Variants in SESTD1 observed in about 807,000 individuals in gnomAD.
SESTD1 encodes the protein SEC14 and spectrin domain containing 1.
Under a neutral mutation model 101.7 loss-of-function variants are expected in SESTD1, and 43 were observed. That is an observed-to-expected ratio of 0.42 (90% CI 0.33 to 0.55). SESTD1 has a LOEUF of 0.55. Ranked by LOEUF, SESTD1 falls within the 20% of genes least tolerant of loss-of-function variation. The pLI is 0.07. For synonymous variants in SESTD1, 283 were observed against 286.8 expected (o/e 0.99, Z 0.13); for missense variants, 647 against 815.1 (o/e 0.79, Z 2.51).
At chr2:179,222,638 A>G (rs1175205768) in intron 1 of SESTD1, among the ~76,000 whole-genome samples, 1 of 152,210 alleles carries the variant, frequency 6.6e-6, no homozygotes, top group Admixed American at 6.5e-5. Flanking sequence ...TTCTATTAAT[A>G]ACCCAATGTT....
chr2:179,117,661 T>C, intron 13 of SESTD1, 48 bp from the exon 14 acceptor site: 8 of 1,445,438 alleles, frequency 5.5e-6, no homozygotes, highest in South Asian at 2.7e-5. Flanking sequence ...GTTTTATTGA[T>C]TACTATTGTA....
intron 8 of SESTD1, among the ~76,000 whole-genome samples, chr2:179,145,157 A>G (rs2045366245): frequency 6.6e-6 from 1 of 152,174 alleles, no homozygotes; most frequent in Non-Finnish European, 1.5e-5. Context: ...GTCTTTTTAT[A>G]TATATTCATA....
chr2:179,162,675 T>C (rs933761970), intron 5 of SESTD1, among the ~76,000 whole-genome samples: 1 of 151,980 alleles, frequency 6.6e-6, no homozygotes, highest in Non-Finnish European at 1.5e-5. Context: ...AGAAGTTAAC[T>C]TGTAGATTCT....
intron 1 of SESTD1, among the ~76,000 whole-genome samples, chr2:179,235,238 AAAGGGACATAAGTATTTAGGGGCT>A (rs2047049596): frequency 6.6e-6 from 1 of 152,198 alleles, no homozygotes; most frequent in African/African-American, 2.4e-5. Flanking sequence ...ACTTAGGAAT[AAAGGGACATAAGTATTTAGGGGCT>A]AAGGGGCATA....
intron 5 of SESTD1, among the ~76,000 whole-genome samples, chr2:179,168,107 T>A (rs1047442025): frequency 6.6e-6 from 1 of 152,082 alleles, no homozygotes; most frequent in Admixed American, 6.6e-5. Context: ...CAGGACTGAA[T>A]TGCACAGGTC....
rs2047487885 is a variant in SESTD1 at position 179,261,837 on chromosome 2, A to G, written c.-26+2662T>C. Among the ~76,000 whole-genome samples the G allele has an allele frequency of 5.9e-5, 9 of 152,164 alleles. No homozygotes were observed. The South Asian group carries it at 1.9e-3, about 32-fold the overall frequency. On this transcript the variant is annotated intron_variant, in intron 1 of 17. Coordinates refer to ENST00000428443, the MANE Select transcript of SESTD1 (RefSeq NM_178123.5). ...AGCAGTTCCTCAGAAAGTAAACAGA[A>G]TTACCATATAACCCAGCAATTACAC...
In SESTD1 at chr2:179,209,321, G is replaced by A. The variant is rs557784789; in HGVS notation, c.-25-17455C>T. Among the ~76,000 whole-genome samples, 8 of 134,092 alleles carry A rather than the reference G, an allele frequency of 6.0e-5. 1 individual carries two copies. The East Asian group carries it at 1.6e-3, about 27-fold the overall frequency. The allele number at this position is 134,092 out of a possible 152,430, so 88.0% of individuals were successfully genotyped here. ...ACAGCACTAGACAGGTCATCAAAAT[G>A]GAAAGGCAACAAAGAAACAATGGAC... is the stretch of plus-strand genomic sequence containing the variant. On this transcript the variant is annotated intron_variant, in intron 1 of 17. Coordinates refer to ENST00000428443, the MANE Select transcript of SESTD1 (RefSeq NM_178123.5).
intron 7 of SESTD1, among the ~76,000 whole-genome samples, chr2:179,148,995 G>A (rs2105447710): frequency 7.1e-6 from 1 of 139,936 alleles, no homozygotes. Context: ...AGGAGGCGGA[G>A]CTTGCAGTAA....
intron 7 of SESTD1, among the ~76,000 whole-genome samples, chr2:179,147,096 CA>C (rs1428772468): frequency 1.3e-5 from 2 of 151,926 alleles, no homozygotes; most frequent in East Asian, 3.9e-4. Context: ...CTAAATTTTT[CA>C]CTTTTTGTCA....
intron 1 of SESTD1, among the ~76,000 whole-genome samples, chr2:179,248,377 A>G (rs1032037599): frequency 6.6e-6 from 1 of 152,220 alleles, no homozygotes; most frequent in Non-Finnish European, 1.5e-5. Flanking sequence ...ATTCTACACC[A>G]GATACAGAAG....
At chr2:179,112,623 C>T (rs2044533732) in intron 17 of SESTD1, 101 bp downstream of exon 17, 3 of 1,401,030 alleles carry the variant, frequency 2.1e-6, no homozygotes, top group Admixed American at 2.5e-5. Context: ...GTGGACCAAA[C>T]CTAATTTACT....
At chr2:179,172,887 C>CCGT (rs1488032970) in intron 4 of SESTD1, among the ~76,000 whole-genome samples, 5 of 152,230 alleles carry the variant, frequency 3.3e-5, no homozygotes, top group African/African-American at 1.2e-4. Flanking sequence ...ACAAGTTCTA[C>CCGT]CGCCTGCATT....
intron 1 of SESTD1, among the ~76,000 whole-genome samples, chr2:179,211,331 C>CA (rs201124829): frequency 0.012 from 1,547 of 131,518 alleles, 371 homozygotes; most frequent in African/African-American, 0.043. Context: ...TATGGAACAA[C>CA]AAAAAAAAGA....
chr2:179,258,172 T>C (rs945373675), intron 1 of SESTD1, among the ~76,000 whole-genome samples: 5 of 152,218 alleles, frequency 3.3e-5, no homozygotes, highest in Non-Finnish European at 5.9e-5. Flanking sequence ...GCAGAAAAGA[T>C]GCAACGTCAG....
Position 179,115,249 on chromosome 2 carries a change from T to A in SESTD1, c.1655A>T (p.Tyr552Phe), listed in dbSNP as rs1575420270. Reference sequence around the variant, plus strand: ...CTGTAGCAACTGCCTGCCATAGTCATAAGTGCTCTAAAAAAGAAAAGGAAA... The same window carrying A: ...CTGTAGCAACTGCCTGCCATAGTCAAAAGTGCTCTAAAAAAGAAAAGGAAA... ...RKFVDVAQST[Y>F]DYGRQLLQAT... Residue 552 changes from tyrosine to phenylalanine, a missense_variant, in exon 16 of 18, where the codon TAT becomes TTT. Around this residue, in one of 3 missense-constraint regions of SESTD1, gnomAD observed 476 missense variants for 562.6 expected, o/e 0.85. Transcript: ENST00000428443. 1 of 1,572,124 alleles carries A rather than the reference T, an allele frequency of 6.4e-7. No individual in the cohort carries two copies. The highest frequency in any genetic ancestry group is 2.1e-5 in the Admixed American group (1 of 47,186).
chr2:179,123,889 T>C, intron 11 of SESTD1, 60 bp from the exon 12 acceptor site: 1 of 1,261,072 alleles, frequency 7.9e-7, no homozygotes, highest in Non-Finnish European at 1.2e-6. Context: ...AAGTGTTTAA[T>C]GATTAATGAG....
At chr2:179,124,903 C>T (rs1480061893) in intron 10 of SESTD1, among the ~76,000 whole-genome samples, 1 of 152,082 alleles carries the variant, frequency 6.6e-6, no homozygotes, top group Admixed American at 6.5e-5. Flanking sequence ...TATTTTCCCT[C>T]TTCTTTCAAA....
At chr2:179,112,691 T>TA in intron 17 of SESTD1, 33 bp downstream of exon 17, 1 of 1,562,218 alleles carries the variant, frequency 6.4e-7, no homozygotes, top group Non-Finnish European at 8.6e-7. Flanking sequence ...ACCACACCAA[T>TA]AAAAAATAAA....
chr2:179,246,040 A>G (rs1475138490), intron 1 of SESTD1, among the ~76,000 whole-genome samples: 1 of 152,148 alleles, frequency 6.6e-6, no homozygotes, highest in Admixed American at 6.5e-5. Flanking sequence ...GCGGACCACA[A>G]GGTCAGGAGT....
Sources: allele counts gnomAD v4.1 joint callset (sites outside exome capture counted in the v4.1 genomes callset), GRCh38; gene constraint gnomAD v4.1.1; regional missense constraint gnomAD v4.1.1; transcripts MANE v1.5; gene names NCBI Gene and HGNC (gene_info 2026-07-23, HGNC 2026-07-21).